Variants in SMG1 observed in about 807,000 individuals in gnomAD.
The protein encoded by SMG1 is serine/threonine-protein kinase SMG1.
In SMG1, 22 loss-of-function variants were observed where a neutral mutation model predicts 419.9. The observed-to-expected ratio is 0.05, with a 90% CI of 0.04 to 0.07. The LOEUF (loss-of-function observed/expected upper bound fraction) is 0.07. Among genes scored for constraint, SMG1 ranks in the 10% least tolerant of loss-of-function variants. The probability of loss-of-function intolerance (pLI) is 1.00; values close to 1 mark genes in which losing one functional copy is unlikely to be tolerated. For missense variants in SMG1, 3,185 were observed against 4,342.0 expected (o/e 0.73, Z 7.49); for synonymous variants, 1,538 against 1,553.5 (o/e 0.99, Z 0.23).
rs934327428 is a variant in SMG1 at position 18,868,365 on chromosome 16, A to G, written c.3031-11T>C. The G allele has an allele frequency of 7.9e-7, 1 of 1,266,702 alleles. No homozygotes were observed. Among genetic ancestry groups the G allele is most frequent in the African/African-American group, 1.5e-5 (1 of 67,454 alleles). The allele number at this position is 1,266,702 out of a possible 1,614,324, so 78.5% of individuals were successfully genotyped here. ...AAAAGTTCTAATGACCTTTACGATA[A>G]GAGAAAGAAAAGCTCAGGACTGGTT... On this transcript the variant is annotated splice_polypyrimidine_tract_variant and intron_variant, in intron 21 of 62. Coordinates refer to ENST00000446231, the MANE Select transcript of SMG1 (RefSeq NM_015092.5).
chr16:18,902,192 C>T (rs1379477830), intron 1 of SMG1, among the ~76,000 whole-genome samples: 4 of 152,110 alleles, frequency 2.6e-5, no homozygotes, highest in African/African-American at 7.2e-5. Flanking sequence ...TGAGTATTGT[C>T]GCACACCAGT....
At chr16:18,843,978 C>A (rs898452602) in intron 39 of SMG1, among the ~76,000 whole-genome samples, 5 of 151,130 alleles carry the variant, frequency 3.3e-5, no homozygotes, top group African/African-American at 1.2e-4. Context: ...TTTAAATGTA[C>A]AAAATCATTT....
intron 56 of SMG1, among the ~76,000 whole-genome samples, chr16:18,818,338 T>C (rs1490119780): frequency 6.6e-6 from 1 of 151,904 alleles, no homozygotes; most frequent in African/African-American, 2.4e-5. Flanking sequence ...TGAGCCAAGA[T>C]CACGCCACTG....
chr16:18,926,099 C>T lies in SMG1; in HGVS notation c.-58G>A. 6.8e-7 allele frequency: 1 copy of T among 1,460,036 alleles called. No individual in the cohort carries two copies. The highest frequency in any genetic ancestry group is 9.1e-7 in the Non-Finnish European group (1 of 1,101,218). 90.4% of individuals were successfully genotyped at this position (1,460,036 alleles called of 1,614,324 possible). On this transcript the variant is annotated 5_prime_UTR_variant, in exon 1 of 63. Transcript: ENST00000446231. ...CCGCCCAAAGAAGCGCGAGTCGCCGCCCGAACCGGCCGCCGCCGACACCCC... is the reference window on the plus strand; with the variant it reads ...CCGCCCAAAGAAGCGCGAGTCGCCGTCCGAACCGGCCGCCGCCGACACCCC...
chr16:18,895,248 C>T lies in SMG1; in HGVS notation c.412+804G>A, dbSNP rs1250521046. Among the ~76,000 whole-genome samples the T allele has an allele frequency of 3.3e-5, 5 of 151,992 alleles. No homozygotes were observed. The South Asian group carries it at 6.2e-4, about 19-fold the overall frequency. The stretch of plus-strand genomic sequence containing the variant: ...CCCGGTGGCTCACGCCTGTAATGAG[C>T]ACGCGTGATCACTTGAGGTCAGGAG... On this transcript the variant is annotated intron_variant, in intron 3 of 62. Coordinates refer to ENST00000446231, the MANE Select transcript of SMG1 (RefSeq NM_015092.5).
chr16:18,842,890 C>T (rs1484114585), intron 39 of SMG1, among the ~76,000 whole-genome samples: 2 of 152,186 alleles, frequency 1.3e-5, no homozygotes, highest in Non-Finnish European at 2.9e-5. Flanking sequence ...CTTATTTCTA[C>T]ATTTAACTCA....
chr16:18,903,732 G>A (rs978443147), intron 1 of SMG1, among the ~76,000 whole-genome samples: 27 of 152,250 alleles, frequency 1.8e-4, no homozygotes, highest in Non-Finnish European at 3.5e-4. Context: ...CCAGAACTCA[G>A]ACCCAGTACT....
At chr16:18,819,400 C>G in intron 56 of SMG1, 102 bp downstream of exon 56, 1 of 1,266,232 alleles carries the variant, frequency 7.9e-7, no homozygotes, top group Non-Finnish European at 1.1e-6. Context: ...TGAGCCAGAA[C>G]GTGGGCTCTC....
chr16:18,830,493 A>T (rs2033095948), intron 51 of SMG1, 124 bp from the exon 52 acceptor site: 2 of 1,147,172 alleles, frequency 1.7e-6, no homozygotes, highest in African/African-American at 1.6e-5. Flanking sequence ...TGGCATTAAG[A>T]AGAAGTGTTA....
intron 28 of SMG1, 92 bp downstream of exon 28, chr16:18,858,930 A>C: frequency 2.2e-6 from 2 of 892,984 alleles, no homozygotes; most frequent in Non-Finnish European, 1.6e-6. Flanking sequence ...CCAGCTACAA[A>C]TCCTATTTCA....
intron 6 of SMG1, among the ~76,000 whole-genome samples, chr16:18,888,997 T>C (rs2036762930): frequency 6.6e-6 from 1 of 151,740 alleles, no homozygotes; most frequent in Admixed American, 6.6e-5. Flanking sequence ...TAATTTTTTT[T>C]GTATTTTTAG....
Position 18,873,223 on chromosome 16 carries a change from A to G in SMG1, c.1891-599T>C, listed in dbSNP as rs763571548. Among the ~76,000 whole-genome samples the G allele has an allele frequency of 7.1e-4, 108 of 151,792 alleles. 2 individuals carry two copies. Among genetic ancestry groups the G allele is most frequent in the Admixed American group, 4.2e-3 (64 of 15,258 alleles). ...ATGAGAGTACCTGTGTTCCAAGAAA[A>G]CTTTCTTTTTTGAGTCAGAGTCTCT... On this transcript the variant is annotated intron_variant, in intron 13 of 62. Coordinates refer to ENST00000446231, the MANE Select transcript of SMG1 (RefSeq NM_015092.5).
rs892873452 is a variant in SMG1, at chr16:18,839,866, A to G, written c.6777T>C (p.Pro2259=). The G allele has an allele frequency of 1.9e-6, 3 of 1,613,194 alleles. No homozygotes were observed. Among genetic ancestry groups the G allele is most frequent in the Non-Finnish European group, 1.7e-6 (2 of 1,179,504 alleles). ...GGCTAAGCCCAACTGTTTTCAAAGC[A>G]GGGCCAATTTTACTGTAATAAAGTT... ...PSELYYSKIG[P]ALKTVGLSLD... Residue 2259 remains proline, a synonymous_variant, in exon 42 of 63, where the codon CCT becomes CCC. Transcript: ENST00000446231.
chr16:18,879,763 G>A, intron 10 of SMG1, 44 bp from the exon 11 acceptor site: 1 of 1,523,640 alleles, frequency 6.6e-7, no homozygotes, highest in South Asian at 1.1e-5. Flanking sequence ...AAATTCACGT[G>A]CTTCCACAAA....
intron 23 of SMG1, chr16:18,866,241 T>C (rs2035496668): frequency 3.8e-6 from 1 of 260,008 alleles, no homozygotes; most frequent in African/African-American, 2.3e-5. Flanking sequence ...CAAGCTCCTC[T>C]ACCTGGAGGA....
At chr16:18,810,671 G>A (rs78060140) in intron 62 of SMG1, among the ~76,000 whole-genome samples, 14,456 of 152,194 alleles carry the variant, frequency 0.095, 738 homozygotes, top group Middle Eastern at 0.17. Flanking sequence ...TCAGAGAGGA[G>A]GAATAAGCAA....
At chr16:18,905,778 A>G (rs1483766626) in intron 1 of SMG1, among the ~76,000 whole-genome samples, 1 of 151,824 alleles carries the variant, frequency 6.6e-6, no homozygotes, top group African/African-American at 2.4e-5. Flanking sequence ...CACCCGGCTA[A>G]TTTTTGTATT....
chr16:18,879,799 C>G, intron 10 of SMG1, 80 bp from the exon 11 acceptor site: 1 of 748,290 alleles, frequency 1.3e-6, no homozygotes. Context: ...TTATTTAATG[C>G]AATTTCAACT....
intron 1 of SMG1, among the ~76,000 whole-genome samples, chr16:18,910,405 ATT>A (rs1379727012): frequency 4.0e-5 from 6 of 150,738 alleles, no homozygotes; most frequent in Non-Finnish European, 8.8e-5. Flanking sequence ...TAATTTTTGT[ATT>A]TTTAGTAGAG....
Sources: allele counts gnomAD v4.1 joint callset (sites outside exome capture counted in the v4.1 genomes callset), GRCh38; gene constraint gnomAD v4.1.1; transcripts MANE v1.5; gene names NCBI Gene and HGNC (gene_info 2026-07-23, HGNC 2026-07-21).